Variants in NDST2 observed in about 807,000 individuals in gnomAD.
NDST2 encodes N-deacetylase and N-sulfotransferase 2.
A neutral mutation model predicts 86.9 loss-of-function variants in NDST2; 32 were observed. That is an observed-to-expected ratio of 0.37 (90% CI 0.28 to 0.49). The LOEUF (loss-of-function observed/expected upper bound fraction) is 0.49, where lower values mean the gene tolerates loss of function less well. NDST2 is among the 20% of genes least tolerant of loss of function. NDST2 has a pLI of 0.97. For missense variants in NDST2, 950 were observed against 1,146.9 expected, an observed-to-expected ratio of 0.83 and a Z score of 2.48; for synonymous variants, 409 against 437.0, an observed-to-expected ratio of 0.94 and a Z score of 0.80.
rs527891925 is a variant in NDST2, at chr10:73,811,514, C to T, written c.-487G>A. 9.9e-4 allele frequency: 151 copies of T among 152,150 alleles called. No individual in the cohort carries two copies. The highest frequency in any genetic ancestry group is 1.6e-3 in the Non-Finnish European group (111 of 67,986). 9.4% of individuals were successfully genotyped at this position (152,150 alleles called of 1,614,324 possible). A position where few individuals can be genotyped will look rare whatever the true frequency, so the allele number is the denominator to read the frequency against. On this transcript the variant is annotated 5_prime_UTR_variant, in exon 1 of 15. Coordinates refer to ENST00000309979, the MANE Select transcript of NDST2 (RefSeq NM_003635.4). ...GCGTCCCCGCTGTCCCCGGGCTCCG[C>T]CGCGTCCCGGGGCTGCCCGGCTTCC... is the stretch of plus-strand genomic sequence containing the variant.
Position 73,807,823 on chromosome 10 carries a change from A to T in NDST2, c.566T>A (p.Leu189His). 6.2e-7 allele frequency: 1 copy of T among 1,614,156 alleles called. No individual in the cohort carries two copies. Among genetic ancestry groups the T allele is most frequent in the Non-Finnish European group, 8.5e-7 (1 of 1,180,016 alleles). Residue 189 changes from leucine to histidine, a missense_variant, in exon 3 of 15, where the codon CTT (leucine) becomes CAT (histidine). Leu to His is a moderately conservative substitution (Grantham distance 99, BLOSUM62 -3). Transcript: ENST00000309979. ...GAGCCCCAAGTTTGAGTGTAAAAAA[A>T]GGGGAAAGCCCTTGAGCTGGGCGCT... ...LLSAQLKGFP[L>H]FLHSNLGLRD...
rs753164780 is a variant in NDST2, at chr10:73,806,781, A to G, written c.1124T>C (p.Met375Thr). The change falls in exon 5 of 15, where the codon ATG becomes ACG. Residue 375 changes from methionine to threonine, a missense_variant. By Grantham distance (81) the Met-to-Thr change is moderately conservative (BLOSUM62 -1). This residue lies in a region of NDST2 where 586 missense variants were observed against 714.0 expected (regional missense o/e 0.82). Coordinates refer to ENST00000309979, the MANE Select transcript of NDST2 (RefSeq NM_003635.4). This position sits in a 1 kb window ranked among gnomAD's most constrained non-coding sequence, Gnocchi z 4.5. ...GAACTCTTTGCGGTGCTTCAGCAGC[A>G]TGTCGTCCCCTGCATCCTCCTCCTC... ...GTEEEDAGDD[M>T]LLKHRKEFWW... 6.1e-5 allele frequency: 99 copies of G among 1,614,044 alleles called. No individual in the cohort carries two copies. Among genetic ancestry groups the G allele is most frequent in the Non-Finnish European group, 8.2e-5 (97 of 1,180,024 alleles).
In NDST2 at chr10:73,802,900, CT is replaced by C. The variant is rs763626122; in HGVS notation, c.2423+71del. 3.2e-6 allele frequency: 5 copies of C among 1,541,740 alleles called. No individual in the cohort carries two copies. In the Admixed American group the frequency reaches 8.3e-5, roughly 26 times the overall value. ...CTTGTGAGACAGAGTAAATCTATGTCTCTAACAGACATGGTCAACCTGCTTC... is the reference window on the plus strand; with the variant it reads ...CTTGTGAGACAGAGTAAATCTATGTCCTAACAGACATGGTCAACCTGCTTC... On this transcript the variant is annotated intron_variant, in intron 13 of 14. Transcript: ENST00000309979.
rs1565096178 is a variant in NDST2, at chr10:73,803,728, A to G, written c.1988T>C (p.Val663Ala). The G allele has an allele frequency of 6.2e-7, 1 of 1,614,144 alleles. No individual in the cohort carries two copies. Among genetic ancestry groups the G allele is most frequent in the Non-Finnish European group, 8.5e-7 (1 of 1,179,996 alleles). ...GAAATCAGTGCTGGCATTGGAAGGA[A>G]CAGGGAAGAAATCCATGTACCTAGG... Reference protein sequence around the residue: ...GIDWYMDFFPVPSNASTDFLF... With the variant: ...GIDWYMDFFPAPSNASTDFLF... Residue 663 changes from valine to alanine, a missense_variant, in exon 11 of 15, where the codon GTT becomes GCT. Around this residue, in one of 5 missense-constraint regions of NDST2, gnomAD observed 303 missense variants for 323.7 expected, o/e 0.94. Coordinates refer to ENST00000309979, the MANE Select transcript of NDST2 (RefSeq NM_003635.4).
chr10:73,804,185 A>C, intron 9 of NDST2, 169 bp from the exon 10 acceptor site: 1 of 653,956 alleles, frequency 1.5e-6, no homozygotes, highest in Non-Finnish European at 2.6e-6. Flanking sequence ...GGAAGGGCTA[A>C]AACAGTGGTT....
intron 11 of NDST2, 55 bp downstream of exon 11, chr10:73,803,519 T>TCCCC: frequency 1.8e-6 from 1 of 565,888 alleles, no homozygotes; most frequent in South Asian, 1.5e-5. Context: ...GCAGTCACTG[T>TCCCC]CCCCTCCCCC....
In NDST2 at chr10:73,807,262, G is replaced by A. The variant is rs2084119680; in HGVS notation, c.1006-67C>T. The A allele has an allele frequency of 2.6e-6, 4 of 1,554,166 alleles. No homozygotes were observed. The East Asian group carries it at 9.0e-5, about 35-fold the overall frequency. ...CTGAACAGGAAATACATGAGAAGTAGCATTCTTCCTGCCTGGAAAGGCAGG... is the reference window on the plus strand; with the variant it reads ...CTGAACAGGAAATACATGAGAAGTAACATTCTTCCTGCCTGGAAAGGCAGG... On this transcript the variant is annotated intron_variant, in intron 3 of 14. Coordinates refer to ENST00000309979, the MANE Select transcript of NDST2 (RefSeq NM_003635.4).
rs1185247864 is a variant in NDST2 at position 73,808,397 on chromosome 10, G to C, written c.-9C>G. 5.1e-6 allele frequency: 8 copies of C among 1,580,010 alleles called. No individual in the cohort carries two copies. The highest frequency in any genetic ancestry group is 6.9e-6 in the Non-Finnish European group (8 of 1,161,724). The stretch of plus-strand genomic sequence containing the variant: ...TTCCACAACTGGAGCATGGCGGGGG[G>C]AGGAAGGGAGGGAGGAATGGGGACC... On this transcript the variant is annotated 5_prime_UTR_variant, in exon 3 of 15. Coordinates refer to ENST00000309979, the MANE Select transcript of NDST2 (RefSeq NM_003635.4). The surrounding 1 kb of genome is among the most constrained non-coding windows in gnomAD (Gnocchi z 4.3).
At chr10:73,810,287 G>A (rs1020800429) in intron 2 of NDST2, among the ~76,000 whole-genome samples, 3 of 151,942 alleles carry the variant, frequency 2.0e-5, no homozygotes, top group Admixed American at 6.6e-5. Flanking sequence ...GTGAAGCCCC[G>A]TCTCTACTAA....
In NDST2 at chr10:73,804,756, A is replaced by T; in HGVS notation, c.1843+17T>A. On this transcript the variant is annotated intron_variant, in intron 9 of 14. Coordinates refer to ENST00000309979, the MANE Select transcript of NDST2 (RefSeq NM_003635.4). Reference sequence around the variant, plus strand: ...GGTTTAAGGCAGGGCAAGAGAAGTTAGCTAAGGATACTTCACCTGTTTTCT... The same window carrying T: ...GGTTTAAGGCAGGGCAAGAGAAGTTTGCTAAGGATACTTCACCTGTTTTCT... 1 of 1,557,742 alleles carries T rather than the reference A, an allele frequency of 6.4e-7. No individual in the cohort carries two copies. The highest frequency in any genetic ancestry group is 1.1e-5 in the South Asian group (1 of 88,926).
At chr10:73,809,193 A>T (rs2084157018) in intron 2 of NDST2, 1 of 152,246 alleles carries the variant, frequency 6.6e-6, no homozygotes, top group Non-Finnish European at 1.5e-5. Flanking sequence ...TCAGATAAGG[A>T]ACTCATGAGT....
In NDST2 at chr10:73,807,127, C is replaced by G. The variant is rs771004267; in HGVS notation, c.1074G>C (p.Ser358=). The stretch of plus-strand genomic sequence containing the variant: ...GCTCACCAGTATGATAGAACTTGCC[C>G]GAGAAGCCCAAGTTGAAGGTGAAGT... ...VPNFTFNLGF[S]GKFYHTGTEE... The change falls in exon 4 of 15, where the codon TCG becomes TCC. Residue 358 remains serine, a synonymous_variant. Coordinates refer to ENST00000309979, the MANE Select transcript of NDST2 (RefSeq NM_003635.4). 6.2e-7 allele frequency: 1 copy of G among 1,613,668 alleles called. No homozygotes were observed.
Position 73,807,100 on chromosome 10 carries a change from A to G in NDST2, c.1093+8T>C. ...TGATATGCCAAAGGAGTAGGGGTAT[A>G]AGCTCACCAGTATGATAGAACTTGC... On this transcript the variant is annotated splice_region_variant and intron_variant, in intron 4 of 14. Transcript: ENST00000309979. The G allele has an allele frequency of 6.2e-7, 1 of 1,611,964 alleles. No homozygotes were observed. The highest frequency in any genetic ancestry group is 8.5e-7 in the Non-Finnish European group (1 of 1,178,088).
chr10:73,803,805 G>A (rs2084051819), intron 10 of NDST2, 57 bp from the exon 11 acceptor site: 4 of 1,613,464 alleles, frequency 2.5e-6, no homozygotes, highest in Non-Finnish European at 2.5e-6. Context: ...GAAGTGGCCA[G>A]AAGTCTGTGC....
chr10:73,802,632 C>T lies in NDST2; in HGVS notation c.2526+42G>A, dbSNP rs569464339. Reference sequence around the variant, plus strand: ...AAGAAGTGGGACACAGAATCAGATCCTGGAAGTGGAGAGGGATTCCCCTGC... The same window carrying T: ...AAGAAGTGGGACACAGAATCAGATCTTGGAAGTGGAGAGGGATTCCCCTGC... On this transcript the variant is annotated intron_variant, in intron 14 of 14. Coordinates refer to ENST00000309979, the MANE Select transcript of NDST2 (RefSeq NM_003635.4). The T allele has an allele frequency of 5.0e-6, 8 of 1,614,166 alleles. No individual in the cohort carries two copies. The African/African-American group carries it at 9.3e-5, about 19-fold the overall frequency.
In NDST2 at chr10:73,807,525, G is replaced by C; in HGVS notation, c.864C>G (p.Leu288=). The change falls in exon 3 of 15, where the codon CTC becomes CTG. Residue 288 remains leucine (L), a synonymous_variant. Transcript: ENST00000309979. ...VLFGHGLSFW[L]HKLIFVDAVA... ...CAGCATCAACGAAGATAAGTTTGTG[G>C]AGCCAGAAGGAAAGGCCATGTCCAA... 1 of 1,614,200 alleles carries C rather than the reference G, an allele frequency of 6.2e-7. No homozygotes were observed. The highest frequency in any genetic ancestry group is 8.5e-7 in the Non-Finnish European group (1 of 1,180,042).
chr10:73,807,449 A>G lies in NDST2; in HGVS notation c.940T>C (p.Leu314=). Residue 314 remains leucine (L), a synonymous_variant, in exon 3 of 15, where the codon TTG becomes CTG. Transcript: ENST00000309979. The part of the protein sequence containing the change: ...RLCLDLDRYI[L]VDIDDIFVGK... ...ACAAAGATGTCATCGATGTCTACCA[A>G]GATGTAGCGGTCAAGGTCCAGGCAG... The G allele has an allele frequency of 6.2e-7, 1 of 1,614,184 alleles. No individual in the cohort carries two copies.
At chr10:73,804,619 G>T (rs1452362646) in intron 9 of NDST2, among the ~76,000 whole-genome samples, 154 bp downstream of exon 9, 2 of 151,456 alleles carry the variant, frequency 1.3e-5, no homozygotes, top group Middle Eastern at 6.8e-3. Context: ...CCTGGGCAAA[G>T]AAGTGAGACT....
In NDST2 at chr10:73,801,960, G is replaced by A. The variant is rs2083985905; in HGVS notation, c.*491C>T. 1 of 384,468 alleles carries A rather than the reference G, an allele frequency of 2.6e-6. No homozygotes were observed. The highest frequency in any genetic ancestry group is 2.1e-5 in the African/African-American group (1 of 47,742). The allele number at this position is 384,468 out of a possible 1,614,324, so 23.8% of individuals were successfully genotyped here. A position where few individuals can be genotyped will look rare whatever the true frequency, so the allele number is the denominator to read the frequency against. The stretch of plus-strand genomic sequence containing the variant: ...TAAGGACATTTCTAGCCCACAGCTA[G>A]GGCTCATACTCGGCTCTATGAGCCA... On this transcript the variant is annotated 3_prime_UTR_variant, in exon 15 of 15. Transcript: ENST00000309979. This position sits in a 1 kb window ranked among gnomAD's most constrained non-coding sequence, Gnocchi z 4.9.
Sources: allele counts gnomAD v4.1 joint callset (sites outside exome capture counted in the v4.1 genomes callset), GRCh38; gene constraint gnomAD v4.1.1; regional missense constraint gnomAD v4.1.1; non-coding constraint Gnocchi (gnomAD v3.1); transcripts MANE v1.5; gene names NCBI Gene and HGNC (gene_info 2026-07-23, HGNC 2026-07-21).